Variants in XPO7 observed in about 807,000 individuals in gnomAD.
XPO7 encodes the protein exportin 7, also known as exportin-7.
XPO7 carries 21 observed loss-of-function variants against 144.3 expected under a neutral mutation model. That is an observed-to-expected ratio of 0.15 (90% CI 0.10 to 0.21). The LOEUF (loss-of-function observed/expected upper bound fraction) is 0.21, where lower values mean the gene tolerates loss of function less well. Ranked by LOEUF, XPO7 falls within the 10% of genes least tolerant of loss-of-function variation. The probability of loss-of-function intolerance (pLI) is 1.00; values close to 1 mark genes in which losing one functional copy is unlikely to be tolerated. For synonymous variants in XPO7, 580 were observed against 499.6 expected (o/e 1.16, Z -2.15); for missense variants, 808 against 1,325.8 (o/e 0.61, Z 6.06).
chr8:21,935,894 A>G (rs938688746), intron 1 of XPO7, among the ~76,000 whole-genome samples: 1 of 151,998 alleles, frequency 6.6e-6, no homozygotes, highest in Admixed American at 6.6e-5. Context: ...AAACTCAATC[A>G]GCTTTCCTCA....
chr8:21,985,721 C>G (rs1262884203), intron 13 of XPO7, 30 bp downstream of exon 13: 1 of 1,598,562 alleles, frequency 6.3e-7, no homozygotes, highest in Non-Finnish European at 8.6e-7. Context: ...GCTCTCCACT[C>G]TGCCTTGCTG....
intron 14 of XPO7, among the ~76,000 whole-genome samples, chr8:21,987,555 C>T (rs796754255): frequency 4.6e-5 from 7 of 152,324 alleles, no homozygotes; most frequent in African/African-American, 1.7e-4. Context: ...ATATTCAGAA[C>T]AGAAGATTTG....
chr8:21,950,884 G>A (rs1811347211), intron 1 of XPO7, among the ~76,000 whole-genome samples: 1 of 151,988 alleles, frequency 6.6e-6, no homozygotes, highest in African/African-American at 2.4e-5. Flanking sequence ...CACTTTGGGA[G>A]GCTGAGGAGG....
chr8:22,004,318 T>C (rs1813251791), intron 27 of XPO7, among the ~76,000 whole-genome samples: 1 of 152,210 alleles, frequency 6.6e-6, no homozygotes, highest in Non-Finnish European at 1.5e-5. Context: ...GTACTTTACA[T>C]TTAACAGCAT....
intron 1 of XPO7, among the ~76,000 whole-genome samples, chr8:21,939,225 C>CTT (rs11436869): frequency 1.8e-3 from 263 of 142,598 alleles, no homozygotes; most frequent in African/African-American, 4.4e-3. Context: ...TTTTTCTTTT[C>CTT]TTTTTTTTTT....
chr8:21,980,147 G>T lies in XPO7; in HGVS notation c.901G>T (p.Ala301Ser), dbSNP rs1426693194. 16 of 1,605,550 alleles carry T rather than the reference G, an allele frequency of 1.0e-5. No individual in the cohort carries two copies. Among genetic ancestry groups the T allele is most frequent in the Non-Finnish European group, 1.4e-5 (16 of 1,175,690 alleles). The change falls in exon 9 of 28, where the codon GCC becomes TCC. Residue 301 changes from alanine (A) to serine (S), a missense_variant. This residue lies in a region of XPO7 where 223 missense variants were observed against 368.8 expected (regional missense o/e 0.60). Coordinates refer to ENST00000252512, the MANE Select transcript of XPO7 (RefSeq NM_015024.5). ...ATCCCTGTTTAACAATGCAGAGAGG[G>T]CCAAGTTTCTCTCTCATCTTGTTGA... Reference protein sequence around the residue: ...RRSLFNNAERAKFLSHLVDGV... With the variant: ...RRSLFNNAERSKFLSHLVDGV...
At chr8:21,941,800 C>CG (rs1382469481) in intron 1 of XPO7, among the ~76,000 whole-genome samples, 2 of 152,186 alleles carry the variant, frequency 1.3e-5, no homozygotes, top group Non-Finnish European at 2.9e-5. Context: ...CTCAGCCTTC[C>CG]AAGTACTAGC....
At chr8:21,962,663 T>C (rs1034419297) in intron 1 of XPO7, among the ~76,000 whole-genome samples, 2 of 152,244 alleles carry the variant, frequency 1.3e-5, no homozygotes, top group Non-Finnish European at 2.9e-5. Context: ...GTCTCTCATA[T>C]TCTCACTTCC....
chr8:21,924,575 T>C (rs1273314677), intron 1 of XPO7, among the ~76,000 whole-genome samples: 1 of 152,152 alleles, frequency 6.6e-6, no homozygotes, highest in Non-Finnish European at 1.5e-5. Flanking sequence ...GCAGTGATTA[T>C]ACAGCTTTGG....
At chr8:21,979,706 C>T (rs1354388305) in intron 8 of XPO7, among the ~76,000 whole-genome samples, 1 of 152,086 alleles carries the variant, frequency 6.6e-6, no homozygotes, top group Non-Finnish European at 1.5e-5. Flanking sequence ...CACACCCGGC[C>T]GATACGCTTA....
Position 21,996,342 on chromosome 8 carries a change from G to A in XPO7, c.2345+743G>A. On this transcript the variant is annotated intron_variant, in intron 21 of 27. Transcript: ENST00000252512. Reference sequence around the variant, plus strand: ...AGGTAGGAAGATTGCTTTAGCCTGGGAGGCAGAGGTTGCAGTGAGCCAAGA... The same window carrying A: ...AGGTAGGAAGATTGCTTTAGCCTGGAAGGCAGAGGTTGCAGTGAGCCAAGA... Among the ~76,000 whole-genome samples the A allele has an allele frequency of 1.3e-5, 2 of 152,210 alleles. 1 individual carries two copies. The highest frequency in any genetic ancestry group is 2.9e-5 in the Non-Finnish European group (2 of 68,032).
chr8:21,925,315 A>G (rs1460175226), intron 1 of XPO7, among the ~76,000 whole-genome samples: 1 of 152,180 alleles, frequency 6.6e-6, no homozygotes, highest in Non-Finnish European at 1.5e-5. Context: ...AAGGACACAC[A>G]CACACTCCTA....
intron 1 of XPO7, among the ~76,000 whole-genome samples, chr8:21,920,207 A>T (rs912920503): frequency 6.8e-6 from 1 of 147,228 alleles, no homozygotes; most frequent in Non-Finnish European, 1.5e-5. Flanking sequence ...CCCTCAGCAG[A>T]TAACAAAAAG....
intron 1 of XPO7, among the ~76,000 whole-genome samples, chr8:21,957,934 T>G (rs1188243575): frequency 6.6e-6 from 1 of 152,066 alleles, no homozygotes; most frequent in Non-Finnish European, 1.5e-5. Context: ...TGTTGGTAAT[T>G]CCACTGCTTA....
intron 1 of XPO7, among the ~76,000 whole-genome samples, chr8:21,957,107 G>A (rs1467333714): frequency 1.3e-5 from 2 of 151,658 alleles, no homozygotes; most frequent in Admixed American, 6.6e-5. Flanking sequence ...TGAGATTCTC[G>A]GGAAAATCTT....
chr8:21,967,366 T>C (rs771422539), intron 2 of XPO7, among the ~76,000 whole-genome samples: 2 of 152,184 alleles, frequency 1.3e-5, no homozygotes, highest in African/African-American at 2.4e-5. Flanking sequence ...GTTTCGCTCT[T>C]GTTGCCCAGG....
chr8:21,920,710 C>T (rs1810252297), intron 1 of XPO7, among the ~76,000 whole-genome samples: 1 of 152,202 alleles, frequency 6.6e-6, no homozygotes, highest in Non-Finnish European at 1.5e-5. Flanking sequence ...TTTTTCCTGT[C>T]TGTGCCAGAG....
Position 22,005,008 on chromosome 8 carries a change from C to T in XPO7, c.3184C>T (p.Leu1062=). Residue 1062 remains leucine (L), a synonymous_variant, in exon 28 of 28, where the codon CTG becomes TTG. Coordinates refer to ENST00000252512, the MANE Select transcript of XPO7 (RefSeq NM_015024.5). ...TKNRDRFTQN[L]SAFRREVNDS... is the part of the protein sequence containing the mutation. ...TCCTCTCTGCAGGTTCACCCAGAAC[C>T]TGTCAGCATTCCGTCGAGAAGTCAA... is the stretch of plus-strand genomic sequence containing the variant. 6.2e-7 allele frequency: 1 copy of T among 1,610,998 alleles called. No homozygotes were observed. Among genetic ancestry groups the T allele is most frequent in the Non-Finnish European group, 8.5e-7 (1 of 1,178,370 alleles).
At chr8:21,972,879 A>G (rs1812112011) in intron 5 of XPO7, among the ~76,000 whole-genome samples, 1 of 152,242 alleles carries the variant, frequency 6.6e-6, no homozygotes, top group Non-Finnish European at 1.5e-5. Context: ...GCCTGTGAAA[A>G]TTGGGAGTCC....
Sources: allele counts gnomAD v4.1 joint callset (sites outside exome capture counted in the v4.1 genomes callset), GRCh38; gene constraint gnomAD v4.1.1; regional missense constraint gnomAD v4.1.1; transcripts MANE v1.5; gene names NCBI Gene and HGNC (gene_info 2026-07-23, HGNC 2026-07-21).